Variants in AGBL1 observed in about 807,000 individuals in gnomAD.
The protein encoded by AGBL1 is AGBL carboxypeptidase 1.
AGBL1 carries 130 observed loss-of-function variants against 118.9 expected under a neutral mutation model. The observed-to-expected ratio is 1.09, with a 90% CI of 0.95 to 1.26. AGBL1 has a LOEUF of 1.26. AGBL1 is among the 50% of genes most tolerant of loss of function. The pLI, the probability that AGBL1 is intolerant of heterozygous loss-of-function variation, is 0.00. For missense variants in AGBL1, 1,584 were observed against 1,298.1 expected (o/e 1.22, Z -3.38); for synonymous variants, 555 against 478.9 (o/e 1.16, Z -2.08).
chr15:86,456,486 G>T (rs1292853048), intron 18 of AGBL1, among the ~76,000 whole-genome samples: 2 of 152,182 alleles, frequency 1.3e-5, no homozygotes, highest in Non-Finnish European at 2.9e-5. Context: ...AGATGATGAT[G>T]CCTTTGAGAG....
chr15:86,102,516 C>G (rs560836310), intron 1 of AGBL1, among the ~76,000 whole-genome samples: 1 of 152,228 alleles, frequency 6.6e-6, no homozygotes, highest in African/African-American at 2.4e-5. Context: ...CTTGGAAAGA[C>G]TTTATTTCTC....
chr15:86,386,391 A>T (rs1048176587), intron 17 of AGBL1, among the ~76,000 whole-genome samples: 7 of 148,148 alleles, frequency 4.7e-5, no homozygotes, highest in African/African-American at 1.5e-4. Flanking sequence ...TTTCAAGATT[A>T]TTTTTTGATT....
chr15:86,987,979 C>A (rs1361395890), intron 23 of AGBL1: 1 of 1,612,652 alleles, frequency 6.2e-7, no homozygotes, highest in Non-Finnish European at 8.5e-7. Context: ...TTTATCTGAA[C>A]ATTACAGATT....
intron 1 of AGBL1, 78 bp downstream of exon 1, chr15:86,080,101 AC>A: frequency 8.9e-7 from 1 of 1,128,510 alleles, no homozygotes; most frequent in Non-Finnish European, 1.1e-6. Context: ...AGCTATGCAC[AC>A]AGTCCCCTCT....
intron 24 of AGBL1, among the ~76,000 whole-genome samples, chr15:86,999,049 C>A (rs1034657747): frequency 3.3e-5 from 5 of 151,026 alleles, no homozygotes; most frequent in African/African-American, 1.2e-4. Flanking sequence ...TGTTCCCCTT[C>A]CTGTGTCCAA....
At chr15:86,186,020 T>C (rs187388212) in intron 5 of AGBL1, among the ~76,000 whole-genome samples, 1 of 152,292 alleles carries the variant, frequency 6.6e-6, no homozygotes, top group African/African-American at 2.4e-5. Flanking sequence ...TCCTATAGGG[T>C]GGGATTTCAT....
chr15:86,335,141 ATT>A (rs60369177), intron 17 of AGBL1, among the ~76,000 whole-genome samples: 56 of 146,352 alleles, frequency 3.8e-4, no homozygotes, highest in Non-Finnish European at 3.9e-4. Context: ...AGATTAAGTT[ATT>A]TTTTTTTTTT....
At chr15:86,441,677 G>T (rs1347112596) in intron 18 of AGBL1, among the ~76,000 whole-genome samples, 1 of 152,218 alleles carries the variant, frequency 6.6e-6, no homozygotes, top group Non-Finnish European at 1.5e-5. Context: ...ATTGGAAGAG[G>T]TTGGGTAGCT....
At chr15:86,703,684 A>C (rs559088482) in intron 22 of AGBL1, among the ~76,000 whole-genome samples, 1 of 152,160 alleles carries the variant, frequency 6.6e-6, no homozygotes, top group Admixed American at 6.5e-5. Context: ...CTAGTGAATA[A>C]ATCTCATGAG....
chr15:86,488,762 A>G (rs2082742025), intron 18 of AGBL1, among the ~76,000 whole-genome samples: 1 of 151,900 alleles, frequency 6.6e-6, no homozygotes, highest in Non-Finnish European at 1.5e-5. Context: ...GGCCCTTTCC[A>G]ATGATGGGGA....
chr15:86,895,319 A>G (rs1233729821), intron 22 of AGBL1, among the ~76,000 whole-genome samples: 1 of 151,942 alleles, frequency 6.6e-6, no homozygotes, highest in Non-Finnish European at 1.5e-5. Context: ...ACCTTATGTC[A>G]TCTTATTCTC....
intron 22 of AGBL1, among the ~76,000 whole-genome samples, chr15:86,733,894 G>T (rs763859075): frequency 4.6e-5 from 7 of 151,964 alleles, no homozygotes; most frequent in Non-Finnish European, 8.8e-5. Context: ...AGAACACTCT[G>T]CCTTCATACA....
chr15:86,213,453 A>C (rs2078134564), intron 5 of AGBL1, among the ~76,000 whole-genome samples: 1 of 152,172 alleles, frequency 6.6e-6, no homozygotes, highest in South Asian at 2.1e-4. Context: ...GCAGTTTCTC[A>C]GGTCCCACCC....
At chr15:86,314,629 G>T (rs914942114) in intron 17 of AGBL1, among the ~76,000 whole-genome samples, 29 of 152,098 alleles carry the variant, frequency 1.9e-4, no homozygotes, top group African/African-American at 6.3e-4. Context: ...CACCACCTCT[G>T]GTTCTTAGCC....
intron 21 of AGBL1, among the ~76,000 whole-genome samples, chr15:86,631,985 T>C (rs1337482360): frequency 6.6e-6 from 1 of 150,644 alleles, no homozygotes; most frequent in Non-Finnish European, 1.5e-5. Context: ...AAACCAAGAG[T>C]TTGAGAGCAG....
rs371956775 is a variant in AGBL1, at chr15:86,907,257, A to G, written c.3329A>G (p.Glu1110Gly). The change falls in exon 23 of 23, where the codon GAG becomes GGG. Residue 1110 changes from glutamate to glycine, a missense_variant. Glu to Gly is a moderately conservative substitution (Grantham distance 98). Coordinates refer to ENST00000614907, the MANE Select transcript of AGBL1 (RefSeq NM_001386094.1). ...AATAAGTTTGAGGGAGAGGAAGAAG[A>G]GGAGGCACCAGGGCAGGGAGGAGAA... Reference protein sequence around the residue: ...AFNKFEGEEEEEAPGQGGEAI... With the variant: ...AFNKFEGEEEGEAPGQGGEAI... 2 of 152,502 alleles carry G rather than the reference A, an allele frequency of 1.3e-5. No homozygotes were observed. The highest frequency in any genetic ancestry group is 2.1e-4 in the South Asian group (1 of 4,840). The allele number at this position is 152,502 out of a possible 1,614,324, so 9.4% of individuals were successfully genotyped here. A position where few individuals can be genotyped will look rare whatever the true frequency, so the allele number is the denominator to read the frequency against.
intron 21 of AGBL1, among the ~76,000 whole-genome samples, chr15:86,564,420 G>T (rs571299121): frequency 6.6e-6 from 1 of 152,086 alleles, no homozygotes; most frequent in Non-Finnish European, 1.5e-5. Flanking sequence ...GAAATTCTGG[G>T]TTGAAAATTC....
At chr15:86,530,347 C>A (rs1253003019) in intron 19 of AGBL1, among the ~76,000 whole-genome samples, 12 of 132,810 alleles carry the variant, frequency 9.0e-5, no homozygotes, top group Non-Finnish European at 1.8e-4. Flanking sequence ...CAACAAAGAT[C>A]AAAGGAGACA....
chr15:86,792,777 A>AT (rs1197364335), intron 22 of AGBL1, among the ~76,000 whole-genome samples: 4 of 152,236 alleles, frequency 2.6e-5, no homozygotes, highest in Admixed American at 6.5e-5. Flanking sequence ...CCCCATCTCT[A>AT]TTTTTTTAAA....
Sources: allele counts gnomAD v4.1 joint callset (sites outside exome capture counted in the v4.1 genomes callset), GRCh38; gene constraint gnomAD v4.1.1; transcripts MANE v1.5; gene names NCBI Gene and HGNC (gene_info 2026-07-23, HGNC 2026-07-21).